Variants in COL21A1 observed in about 807,000 individuals in gnomAD.
COL21A1 encodes the protein collagen type XXI alpha 1 chain, also known as collagen alpha-1(XXI) chain.
COL21A1 carries 149 observed loss-of-function variants against 137.9 expected under a neutral mutation model. That is an observed-to-expected ratio of 1.08 (90% CI 0.95 to 1.24). The LOEUF is 1.24. Among genes scored for constraint, COL21A1 ranks in the 50% most tolerant of loss-of-function variants. The pLI is 0.00. For missense variants in COL21A1, 1,167 were observed against 1,158.4 expected (o/e 1.01, Z -0.11); for synonymous variants, 456 against 391.5 (o/e 1.16, Z -1.95).
intron 14 of COL21A1, among the ~76,000 whole-genome samples, chr6:56,125,061 C>T (rs1164264496): frequency 1.5e-5 from 2 of 129,514 alleles, no homozygotes; most frequent in African/African-American, 5.9e-5. Context: ...TGCTCTGTCA[C>T]GCAGGCTGGA....
At chr6:56,302,597 T>C (rs1219626829) in intron 1 of COL21A1, among the ~76,000 whole-genome samples, 1 of 152,186 alleles carries the variant, frequency 6.6e-6, no homozygotes, top group African/African-American at 2.4e-5. Context: ...TCTTGTAAAT[T>C]TGTTAGAGTT....
intron 16 of COL21A1, among the ~76,000 whole-genome samples, chr6:56,102,651 A>G (rs1217461106): frequency 6.6e-6 from 1 of 152,200 alleles, no homozygotes; most frequent in African/African-American, 2.4e-5. Flanking sequence ...AATTATAGAA[A>G]ATAAAGCACA....
intron 1 of COL21A1, among the ~76,000 whole-genome samples, chr6:56,184,508 A>C (rs1282984460): frequency 1.3e-5 from 2 of 152,194 alleles, no homozygotes; most frequent in African/African-American, 4.8e-5. Context: ...AGTATTATTT[A>C]ATTAGAACAG....
intron 1 of COL21A1, among the ~76,000 whole-genome samples, chr6:56,213,761 G>T (rs1310061167): frequency 4.6e-5 from 7 of 152,006 alleles, no homozygotes; most frequent in Admixed American, 4.6e-4. Flanking sequence ...ACAAATGTCA[G>T]ATCCATCATT....
intron 1 of COL21A1, among the ~76,000 whole-genome samples, chr6:56,222,859 A>G (rs990188): frequency 0.064 from 9,749 of 152,226 alleles, 359 homozygotes; most frequent in Middle Eastern, 0.12. Flanking sequence ...AAAAAACTGA[A>G]GCCTACTTGG....
chr6:56,275,162 T>C (rs889225755), intron 1 of COL21A1, among the ~76,000 whole-genome samples: 5 of 152,200 alleles, frequency 3.3e-5, no homozygotes, highest in Non-Finnish European at 7.4e-5. Context: ...ACTAGCCATA[T>C]GCAGAAGACT....
intron 1 of COL21A1, among the ~76,000 whole-genome samples, chr6:56,295,421 T>A (rs1764142071): frequency 6.6e-6 from 1 of 152,042 alleles, no homozygotes; most frequent in Non-Finnish European, 1.5e-5. Context: ...TATGTTTTTA[T>A]TCTGGGTCTT....
chr6:56,180,135 T>A lies in COL21A1; in HGVS notation c.89-6A>T. ...TGTCGGAGCAGTACGACAACCTAAG[T>A]GCAAAAGAAAACCATCATAGCACAT... is the stretch of plus-strand genomic sequence containing the variant. On this transcript the variant is annotated splice_region_variant and splice_polypyrimidine_tract_variant and intron_variant, in intron 2 of 29. Coordinates refer to ENST00000244728, the MANE Select transcript of COL21A1 (RefSeq NM_030820.4). 1 of 1,590,394 alleles carries A rather than the reference T, an allele frequency of 6.3e-7. No individual in the cohort carries two copies. Among genetic ancestry groups the A allele is most frequent in the African/African-American group, 1.4e-5 (1 of 73,598 alleles).
chr6:56,267,884 G>C (rs1037715695), intron 1 of COL21A1, among the ~76,000 whole-genome samples: 3 of 151,936 alleles, frequency 2.0e-5, no homozygotes, highest in Non-Finnish European at 4.4e-5. Flanking sequence ...CACTGAAAGA[G>C]ACCAAAATAT....
chr6:56,125,315 G>T (rs945697446), intron 14 of COL21A1: 4 of 268,318 alleles, frequency 1.5e-5, no homozygotes, highest in Middle Eastern at 1.1e-3. Context: ...CACCGCGCCC[G>T]GCCTGTAAAT....
intron 1 of COL21A1, among the ~76,000 whole-genome samples, chr6:56,207,849 G>A (rs1332428703): frequency 6.6e-6 from 1 of 151,846 alleles, no homozygotes; most frequent in Non-Finnish European, 1.5e-5. Flanking sequence ...ATCAAATCAG[G>A]TTCATCCCTG....
chr6:56,130,303 T>G (rs1773455170), intron 12 of COL21A1, among the ~76,000 whole-genome samples: 1 of 150,298 alleles, frequency 6.7e-6, no homozygotes, highest in African/African-American at 2.4e-5. Context: ...TCCCTTTTGC[T>G]TGGAGCAGGA....
intron 1 of COL21A1, among the ~76,000 whole-genome samples, chr6:56,271,966 G>A (rs1397929048): frequency 6.6e-6 from 1 of 152,240 alleles, no homozygotes; most frequent in African/African-American, 2.4e-5. Context: ...TGGTGATCCA[G>A]GCAGAAGTCT....
intron 1 of COL21A1, 74 bp downstream of exon 1, chr6:56,247,313 C>G (rs1259074189): frequency 6.6e-6 from 1 of 152,430 alleles, no homozygotes; most frequent in African/African-American, 2.4e-5. Flanking sequence ...AATTGCAGCC[C>G]CTGGAGAGCC....
intron 1 of COL21A1, among the ~76,000 whole-genome samples, chr6:56,230,543 A>T (rs533097683): frequency 3.8e-4 from 57 of 151,688 alleles, no homozygotes; most frequent in East Asian, 1.8e-3. Flanking sequence ...TTGTAATATA[A>T]TTTTTTTTAG....
intron 1 of COL21A1, among the ~76,000 whole-genome samples, chr6:56,210,688 T>C (rs942853813): frequency 6.6e-6 from 1 of 152,188 alleles, no homozygotes; most frequent in East Asian, 1.9e-4. Context: ...CTTCTGTGAA[T>C]GGCTTTTGCC....
chr6:56,342,736 T>C (rs1765499228), intron 1 of COL21A1, among the ~76,000 whole-genome samples: 1 of 152,186 alleles, frequency 6.6e-6, no homozygotes, highest in South Asian at 2.1e-4. Flanking sequence ...GAAAAGGAAA[T>C]GAAGGCATGG....
At chr6:56,099,460 T>G (rs1400992450) in intron 17 of COL21A1, among the ~76,000 whole-genome samples, 1 of 151,672 alleles carries the variant, frequency 6.6e-6, no homozygotes, top group African/African-American at 2.4e-5. Flanking sequence ...ATGGTCTCGA[T>G]CTCCTGGCCT....
intron 1 of COL21A1, among the ~76,000 whole-genome samples, chr6:56,347,001 T>G (rs1355336238): frequency 6.6e-6 from 1 of 152,112 alleles, no homozygotes; most frequent in Non-Finnish European, 1.5e-5. Context: ...CTCAGCAGTC[T>G]CCCCATCTCA....
Sources: allele counts gnomAD v4.1 joint callset (sites outside exome capture counted in the v4.1 genomes callset), GRCh38; gene constraint gnomAD v4.1.1; transcripts MANE v1.5; gene names NCBI Gene and HGNC (gene_info 2026-07-23, HGNC 2026-07-21).